SKA1: variants seen among roughly 807,000 people sequenced by gnomAD.
The protein encoded by SKA1 is SKA complex subunit 1.
A neutral mutation model predicts 31.8 loss-of-function variants in SKA1; 20 were observed. The ratio of observed to expected loss-of-function variants is 0.63; its 90% CI spans 0.44 to 0.91. SKA1 has a LOEUF of 0.91. Ranked by LOEUF, SKA1 falls within the 40% of genes least tolerant of loss-of-function variation. SKA1 has a pLI of 0.00. For synonymous variants in SKA1, 88 were observed against 100.5 expected (o/e 0.88, Z 0.74); for missense variants, 253 against 298.2 (o/e 0.85, Z 1.12).
At chr18:50,390,938 A>G (rs16951862) in intron 5 of SKA1, among the ~76,000 whole-genome samples, 186 bp from the exon 6 acceptor site, 9,380 of 152,236 alleles carry the variant, frequency 0.062, 811 homozygotes, top group African/African-American at 0.19. Flanking sequence ...GGTAAGCACC[A>G]ATATGTTGTC....
chr18:50,378,626 G>T (rs1191567617), intron 2 of SKA1, among the ~76,000 whole-genome samples: 1 of 149,928 alleles, frequency 6.7e-6, no homozygotes, highest in Admixed American at 6.7e-5. Flanking sequence ...AGTGAGCTCC[G>T]ATGGTGCCAC....
Position 50,393,577 on chromosome 18 carries a change from T to G in SKA1, c.*1330T>G, listed in dbSNP as rs1170363802. The G allele has an allele frequency of 6.6e-6, 1 of 152,196 alleles. No individual in the cohort carries two copies. Among genetic ancestry groups the G allele is most frequent in the Non-Finnish European group, 1.5e-5 (1 of 68,040 alleles). 9.4% of individuals were successfully genotyped at this position (152,196 alleles called of 1,614,324 possible). On this transcript the variant is annotated 3_prime_UTR_variant, in exon 7 of 7. Coordinates refer to ENST00000285116, the MANE Select transcript of SKA1 (RefSeq NM_145060.4). Reference sequence around the variant, plus strand: ...CCAGTCTGTAAACTTCAACCTGTAATGAAAGTGTAATAAATGTACATTGAG... The same window carrying G: ...CCAGTCTGTAAACTTCAACCTGTAAGGAAAGTGTAATAAATGTACATTGAG...
chr18:50,377,760 A>C (rs1165525335), intron 2 of SKA1, among the ~76,000 whole-genome samples: 1 of 152,216 alleles, frequency 6.6e-6, no homozygotes, highest in Non-Finnish European at 1.5e-5. Context: ...ACTTTCTCAA[A>C]TATGAAATTA....
At position 50,376,713 on chromosome 18, in the gene SKA1, T is replaced by C. The variant is rs1246852996; in HGVS notation, c.88+795T>C. On this transcript the variant is annotated intron_variant, in intron 2 of 6. Transcript: ENST00000285116. ...TAACTTTTTTACTTAATAAACTTCTTAGTTTGGCTTAGCTTTTTTATTCTT... is the reference window on the plus strand; with the variant it reads ...TAACTTTTTTACTTAATAAACTTCTCAGTTTGGCTTAGCTTTTTTATTCTT... 3.3e-5 allele frequency among the ~76,000 whole-genome samples: 5 copies of C among 152,252 alleles called. No individual in the cohort carries two copies. In the East Asian group the frequency reaches 5.8e-4, roughly 18 times the overall value.
chr18:50,385,238 C>T lies in SKA1; in HGVS notation c.334C>T (p.Pro112Ser), dbSNP rs1345816508. The T allele has an allele frequency of 2.1e-5, 34 of 1,612,934 alleles. No homozygotes were observed. Among genetic ancestry groups the T allele is most frequent in the Non-Finnish European group, 2.9e-5 (34 of 1,179,600 alleles). ...QSCVKGSDLD[P>S]EEPIKVEEPE... The stretch of plus-strand genomic sequence containing the variant: ...TAGTGTTAAGGGATCAGATCTTGAT[C>T]CTGAAGAACCAATCAAAGTTGAAGA... Residue 112 changes from proline to serine, a missense_variant, in exon 5 of 7, where the codon CCT (proline) becomes TCT (serine). Pro to Ser is a moderately conservative substitution (Grantham distance 74, BLOSUM62 -1). Transcript: ENST00000285116.
chr18:50,378,602 T>C (rs185624717), intron 2 of SKA1, among the ~76,000 whole-genome samples: 1 of 149,712 alleles, frequency 6.7e-6, no homozygotes, highest in East Asian at 2.0e-4. Context: ...TTGAGCCTGG[T>C]AGGTTGAGGC....
rs576847837 is a variant in SKA1 at position 50,385,341 on chromosome 18, A to G, written c.437A>G (p.Asn146Ser). ...EMPFITCDEF[N>S]GVPSYMKSRL... ...CCATTTATAACTTGTGATGAGTTCA[A>G]TGGTGTTCCTTCGTAAGTATTTAAG... Residue 146 changes from asparagine (N) to serine (S), a missense_variant, in exon 5 of 7, where the codon AAT (asparagine) becomes AGT (serine). Transcript: ENST00000285116. 2.4e-5 allele frequency: 38 copies of G among 1,608,434 alleles called. No homozygotes were observed. The highest frequency in any genetic ancestry group is 2.0e-4 in the African/African-American group (15 of 74,824).
rs1440412163 is a variant in SKA1, at chr18:50,375,843, G to C, written c.13G>C (p.Asp5His). The C allele has an allele frequency of 3.1e-6, 5 of 1,608,186 alleles. No homozygotes were observed. The Admixed American group carries it at 8.5e-5, about 27-fold the overall frequency. ...AGAGGCTTAAAGGATGGCCTCGTCAGATCTGGAACAATTATGCTCTCATGT... is the reference window on the plus strand; with the variant it reads ...AGAGGCTTAAAGGATGGCCTCGTCACATCTGGAACAATTATGCTCTCATGT... MASSDLEQLCSHVNE... is the reference protein window; with the variant it reads MASSHLEQLCSHVNE... Residue 5 changes from aspartate (D) to histidine (H), a missense_variant, in exon 2 of 7, where the codon GAT becomes CAT. By Grantham distance (81) the Asp-to-His change is moderately conservative. Coordinates refer to ENST00000285116, the MANE Select transcript of SKA1 (RefSeq NM_145060.4).
intron 2 of SKA1, among the ~76,000 whole-genome samples, chr18:50,379,536 C>A (rs763837545): frequency 1.3e-5 from 2 of 152,216 alleles, no homozygotes; most frequent in Non-Finnish European, 2.9e-5. Context: ...GTGATTACAA[C>A]TTTCACTGAA....
intron 5 of SKA1, among the ~76,000 whole-genome samples, chr18:50,388,860 A>G (rs1213943387): frequency 2.0e-5 from 3 of 151,924 alleles, no homozygotes; most frequent in Non-Finnish European, 4.4e-5. Context: ...CTGGAAGTAA[A>G]ACTCATGGAA....
chr18:50,386,875 C>T (rs2041312747), intron 5 of SKA1, among the ~76,000 whole-genome samples: 1 of 152,180 alleles, frequency 6.6e-6, no homozygotes, highest in Non-Finnish European at 1.5e-5. Context: ...TTCTTTTTAA[C>T]ACTAAATAGT....
chr18:50,382,245 A>G lies in SKA1; in HGVS notation c.311+19A>G. The G allele has an allele frequency of 7.3e-7, 1 of 1,371,222 alleles. No homozygotes were observed. Among genetic ancestry groups the G allele is most frequent in the Non-Finnish European group, 9.8e-7 (1 of 1,021,796 alleles). 84.9% of individuals were successfully genotyped at this position (1,371,222 alleles called of 1,614,324 possible). A position where few individuals can be genotyped will look rare whatever the true frequency, so the allele number is the denominator to read the frequency against. On this transcript the variant is annotated intron_variant, in intron 4 of 6. Transcript: ENST00000285116. ...AGAGCTGGTAAGTGTATTTATAATT[A>G]TTCTTGCTATCTGGATTTATAAACC...
In SKA1 at chr18:50,390,706, CTT is replaced by C. The variant is rs552481493; in HGVS notation, c.450-416_450-415del. On this transcript the variant is annotated intron_variant, in intron 5 of 6. Coordinates refer to ENST00000285116, the MANE Select transcript of SKA1 (RefSeq NM_145060.4). ...CCCTTCCTCCTCCTCCTTTTTTTCT[CTT>C]TCTTTCTCTGAACAAGTAATAGTTT... 1.5e-3 allele frequency among the ~76,000 whole-genome samples: 235 copies of C among 152,090 alleles called. 2 individuals are homozygous for C. Among genetic ancestry groups the C allele is most frequent in the African/African-American group, 5.5e-3 (227 of 41,500 alleles).
At chr18:50,391,705 C>A (rs546076411) in intron 6 of SKA1, among the ~76,000 whole-genome samples, 3 of 152,254 alleles carry the variant, frequency 2.0e-5, no homozygotes, top group Admixed American at 6.5e-5. Flanking sequence ...AGAGAGTGTG[C>A]CAAGAGCTTC....
At chr18:50,377,467 T>C (rs2041228236) in intron 2 of SKA1, among the ~76,000 whole-genome samples, 1 of 152,230 alleles carries the variant, frequency 6.6e-6, no homozygotes, top group African/African-American at 2.4e-5. Flanking sequence ...TTACTCTATA[T>C]CACTGGGAAA....
At position 50,384,872 on chromosome 18, in the gene SKA1, AAAAAAAAAAAAAAAAAAAGG is replaced by A. The variant is rs1215155653; in HGVS notation, c.312-329_312-310del. ...AGAGTATAATAAAAAAAAAAAAATT[AAAAAAAAAAAAAAAAAAAGG>A]AAAAAAAAAAAAAAGAGAAGCTATT... On this transcript the variant is annotated intron_variant, in intron 4 of 6. Transcript: ENST00000285116. Among the ~76,000 whole-genome samples the A allele has an allele frequency of 3.8e-4, 26 of 68,784 alleles. 3 individuals are homozygous for A. Among genetic ancestry groups the A allele is most frequent in the African/African-American group, 1.5e-3 (23 of 15,236 alleles). 45.1% of individuals were successfully genotyped at this position (68,784 alleles called of 152,430 possible).
intron 2 of SKA1, among the ~76,000 whole-genome samples, chr18:50,378,204 G>A (rs2041236754): frequency 6.6e-6 from 1 of 152,170 alleles, no homozygotes; most frequent in East Asian, 1.9e-4. Flanking sequence ...CAACTATCAA[G>A]CCTTGAATTC....
intron 4 of SKA1, among the ~76,000 whole-genome samples, chr18:50,384,672 C>A (rs1299964159): frequency 8.0e-5 from 9 of 112,002 alleles, no homozygotes; most frequent in African/African-American, 4.2e-4. Context: ...CACATGGACA[C>A]AGGAAGGGGA....
At chr18:50,385,467 A>T (rs7234507) in intron 5 of SKA1, 114 bp downstream of exon 5, 983,450 of 1,026,032 alleles carry the variant, frequency 0.96, 471,385 homozygotes, top group East Asian at 1. Context: ...TTGATCTTTT[A>T]AAAAAGTTTC....
Sources: gnomAD v4.1 joint callset for allele counts (sites outside exome capture counted in the v4.1 genomes callset) on GRCh38, gnomAD v4.1.1 for gene constraint, MANE v1.5 for transcripts, NCBI Gene and HGNC (gene_info 2026-07-23, HGNC 2026-07-21) for gene names.